Variants in KCNH1 observed in about 807,000 individuals in gnomAD.
KCNH1 encodes voltage-gated delayed rectifier potassium channel KCNH1.
In KCNH1, 27 loss-of-function variants were observed where a neutral mutation model predicts 69.2. That is an observed-to-expected ratio of 0.39 (90% CI 0.29 to 0.54). The LOEUF (loss-of-function observed/expected upper bound fraction) is 0.54. Among genes scored for constraint, KCNH1 ranks in the 20% least tolerant of loss-of-function variants. KCNH1 has a pLI of 0.68. For synonymous variants in KCNH1, 456 were observed against 487.7 expected, an observed-to-expected ratio of 0.93 and a Z score of 0.86; for missense variants, 798 against 1,261.6, an observed-to-expected ratio of 0.63 and a Z score of 5.57.
At chr1:210,757,717 C>T (rs566445266) in intron 10 of KCNH1, among the ~76,000 whole-genome samples, 3 of 152,224 alleles carry the variant, frequency 2.0e-5, no homozygotes, top group Non-Finnish European at 4.4e-5. Context: ...GAGCCACATG[C>T]CAAATAGCCA....
intron 9 of KCNH1, among the ~76,000 whole-genome samples, chr1:210,788,823 A>G (rs2102389322): frequency 6.8e-6 from 1 of 146,018 alleles, no homozygotes; most frequent in Non-Finnish European, 1.5e-5. Flanking sequence ...CAGCCTCCCA[A>G]GTAGCTGGGA....
chr1:210,788,685 C>CTTTTTTTTTTTTTTTTTT lies in KCNH1; in HGVS notation c.1915+8805_1915+8822dup, dbSNP rs139485350. 2.5e-5 allele frequency among the ~76,000 whole-genome samples: 2 copies of CTTTTTTTTTTTTTTTTTT among 80,712 alleles called. 1 individual carries two copies. The highest frequency in any genetic ancestry group is 9.9e-5 in the African/African-American group (2 of 20,172). 53.0% of individuals were successfully genotyped at this position (80,712 alleles called of 152,430 possible). ...AGATTATTCATATTATAGCTTCTTTCTTTTTTTTTTTTTTTTTTTTTTTTT... is the reference window on the plus strand; with the variant it reads ...AGATTATTCATATTATAGCTTCTTTCTTTTTTTTTTTTTTTTTTTTTTTTTTTTTTTTTTTTTTTTTTT... On this transcript the variant is annotated intron_variant, in intron 9 of 10. Coordinates refer to ENST00000271751, the MANE Select transcript of KCNH1 (RefSeq NM_172362.3).
At chr1:210,790,844 G>T (rs1047048670) in intron 9 of KCNH1, among the ~76,000 whole-genome samples, 1 of 152,116 alleles carries the variant, frequency 6.6e-6, no homozygotes, top group Non-Finnish European at 1.5e-5. Context: ...ACCTTCAGTG[G>T]TTTCCACTGC....
chr1:210,926,748 G>A (rs1195266982), intron 6 of KCNH1, among the ~76,000 whole-genome samples: 1 of 152,002 alleles, frequency 6.6e-6, no homozygotes, highest in East Asian at 1.9e-4. Flanking sequence ...GAATTCGGGA[G>A]GTTGATTATT....
In KCNH1 at chr1:211,019,232, G is replaced by T. The variant is rs567525288; in HGVS notation, c.583C>A (p.Leu195Ile). The change falls in exon 6 of 11, where the codon CTT becomes ATT. Residue 195 changes from leucine (L) to isoleucine (I), a missense_variant. Physicochemically the swap from Leu to Ile is conservative, Grantham distance 5. Around this residue, in one of 4 missense-constraint regions of KCNH1, gnomAD observed 266 missense variants for 457.2 expected, o/e 0.58. Transcript: ENST00000271751. Reference protein sequence around the residue: ...AEVLQLGSDILPQYKQEAPKT... With the variant: ...AEVLQLGSDIIPQYKQEAPKT... ...GGTGCCTCTTGCTTGTACTGGGGAA[G>T]GATGTCTGAGCCCAGCTGTAGGACC... 6.2e-7 allele frequency: 1 copy of T among 1,609,168 alleles called. No homozygotes were observed. Among genetic ancestry groups the T allele is most frequent in the South Asian group, 1.1e-5 (1 of 90,790 alleles).
chr1:211,122,494 A>G (rs985429705), intron 1 of KCNH1, among the ~76,000 whole-genome samples: 4 of 152,254 alleles, frequency 2.6e-5, no homozygotes, highest in African/African-American at 9.6e-5. Flanking sequence ...CCAAAGGAAT[A>G]TAAGCCATTC....
intron 5 of KCNH1, among the ~76,000 whole-genome samples, chr1:211,039,975 G>A (rs1689961340): frequency 6.6e-6 from 1 of 152,070 alleles, no homozygotes; most frequent in South Asian, 2.1e-4. Context: ...GGATCACGAG[G>A]TCAGGAGATC....
intron 7 of KCNH1, among the ~76,000 whole-genome samples, chr1:210,892,942 A>T (rs1686778299): frequency 6.6e-6 from 1 of 152,210 alleles, no homozygotes. Flanking sequence ...TTATATTATC[A>T]TGATAAATGC....
chr1:210,705,861 C>T (rs114964585), intron 10 of KCNH1, among the ~76,000 whole-genome samples: 99 of 152,286 alleles, frequency 6.5e-4, no homozygotes, highest in African/African-American at 2.3e-3. Flanking sequence ...CCTAATCCCA[C>T]TCTGCTTCTA....
intron 7 of KCNH1, among the ~76,000 whole-genome samples, chr1:210,875,935 G>T (rs1248594240): frequency 6.6e-6 from 1 of 152,050 alleles, no homozygotes; most frequent in Non-Finnish European, 1.5e-5. Flanking sequence ...ACAAAAATGT[G>T]CAGAGCATTT....
At chr1:211,033,069 AAAAC>A (rs1244835379) in intron 5 of KCNH1, among the ~76,000 whole-genome samples, 2 of 152,354 alleles carry the variant, frequency 1.3e-5, no homozygotes, top group East Asian at 3.9e-4. Context: ...TTACAAGAAA[AAAAC>A]AAACAACCCC....
chr1:211,113,989 CACACACACACACACAT>C (rs1243591125), intron 1 of KCNH1, among the ~76,000 whole-genome samples: 2 of 150,188 alleles, frequency 1.3e-5, no homozygotes, highest in Non-Finnish European at 3.0e-5. Context: ...CACACACACA[CACACACACACACACAT>C]ACACACACAC....
At chr1:210,921,086 G>C (rs1157533600) in intron 6 of KCNH1, among the ~76,000 whole-genome samples, 7 of 151,934 alleles carry the variant, frequency 4.6e-5, no homozygotes, top group African/African-American at 1.7e-4. Flanking sequence ...TTACCCCTTG[G>C]TTCCCTTCTC....
At chr1:211,099,487 C>T (rs950218754) in intron 3 of KCNH1, among the ~76,000 whole-genome samples, 1 of 152,036 alleles carries the variant, frequency 6.6e-6, no homozygotes, top group Non-Finnish European at 1.5e-5. Flanking sequence ...TATTGAACAG[C>T]GAAGTTTGAA....
chr1:210,950,458 A>C (rs1037578202), intron 6 of KCNH1, among the ~76,000 whole-genome samples: 2 of 145,194 alleles, frequency 1.4e-5, no homozygotes, highest in African/African-American at 5.1e-5. Flanking sequence ...TATGAGTGAG[A>C]ATATGCAGTG....
At chr1:210,922,324 T>C (rs61848993) in intron 6 of KCNH1, among the ~76,000 whole-genome samples, 100,251 of 147,034 alleles carry the variant, frequency 0.68, 33,907 homozygotes, top group Admixed American at 0.76. Flanking sequence ...AGAGCTTGCA[T>C]GGTGAGCTGA....
At chr1:211,070,404 C>T (rs996358771) in intron 5 of KCNH1, among the ~76,000 whole-genome samples, 80 of 141,998 alleles carry the variant, frequency 5.6e-4, no homozygotes, top group African/African-American at 2.0e-3. Context: ...GGCGACAGAG[C>T]GAGACTCCAC....
intron 7 of KCNH1, among the ~76,000 whole-genome samples, chr1:210,842,271 G>T (rs1685428201): frequency 6.6e-6 from 1 of 152,078 alleles, no homozygotes; most frequent in Non-Finnish European, 1.5e-5. Flanking sequence ...TTATTCCTTT[G>T]AAATAAGAAT....
chr1:210,810,400 AC>A (rs1684678223), intron 7 of KCNH1, among the ~76,000 whole-genome samples: 1 of 152,030 alleles, frequency 6.6e-6, no homozygotes, highest in Admixed American at 6.6e-5. Flanking sequence ...ATTGTGCTAA[AC>A]CCTTTCAATC....
Sources: gnomAD v4.1 joint callset for allele counts (sites outside exome capture counted in the v4.1 genomes callset) on GRCh38, gnomAD v4.1.1 for gene constraint, gnomAD v4.1.1 regional missense constraint, MANE v1.5 for transcripts, NCBI Gene and HGNC (gene_info 2026-07-23, HGNC 2026-07-21) for gene names.